GSN: variants seen among roughly 807,000 people sequenced by gnomAD.
GSN encodes the protein gelsolin, also known as actin-depolymerizing factor.
In GSN, 56 loss-of-function variants were observed where a neutral mutation model predicts 85.7. The ratio of observed to expected loss-of-function variants is 0.65; its 90% CI spans 0.53 to 0.82. GSN has a LOEUF of 0.82. Ranked by LOEUF, GSN falls within the 40% of genes least tolerant of loss-of-function variation. The pLI, the probability that GSN is intolerant of heterozygous loss-of-function variation, is 0.00. For missense variants in GSN, 857 were observed against 979.8 expected (o/e 0.87, Z 1.67); for synonymous variants, 373 against 399.1 (o/e 0.93, Z 0.78).
In GSN at chr9:121,312,396, C is replaced by T; in HGVS notation, c.571C>T (p.Gln191Ter). 1 of 1,614,004 alleles carries T rather than the reference C, an allele frequency of 6.2e-7. No individual in the cohort carries two copies. Among genetic ancestry groups the T allele is most frequent in the Non-Finnish European group, 8.5e-7 (1 of 1,179,856 alleles). The change falls in exon 6 of 18, where the codon CAG becomes TAG. Residue 191 changes from glutamine (Q) to a stop codon, truncating the protein, a stop_gained. Coordinates refer to ENST00000432226, the MANE Select transcript of GSN (RefSeq NM_198252.3). LOFTEE classifies it high-confidence loss of function. ...SNRYERLKAT[Q>*]VSKGIRDNER... is the part of the protein sequence containing the mutation. Reference sequence around the variant, plus strand: ...TCGGTATGAAAGACTGAAGGCCACACAGGTGTCCAAGGGCATCCGGGACAA... The same window carrying T: ...TCGGTATGAAAGACTGAAGGCCACATAGGTGTCCAAGGGCATCCGGGACAA...
chr9:121,323,299 A>G (rs2062720553), intron 11 of GSN, among the ~76,000 whole-genome samples: 1 of 152,032 alleles, frequency 6.6e-6, no homozygotes, highest in Non-Finnish European at 1.5e-5. Context: ...CAAAGCCAGG[A>G]AGTGAACATT....
upstream of GSN, among the ~76,000 whole-genome samples, chr9:121,267,152 C>T (rs1248741096): frequency 6.6e-6 from 1 of 152,166 alleles, no homozygotes; most frequent in African/African-American, 2.4e-5. Flanking sequence ...CCTTCCAAAC[C>T]GGAGTCACGC....
At chr9:121,238,586 T>TAGATCTCGGTGGTCGCC in intron 5 of GSN, 1 of 209,616 alleles carries the variant, frequency 4.8e-6, no homozygotes, top group Non-Finnish European at 9.6e-6. Context: ...TGTGAGCGTG[T>TAGATCTCGGTGGTCGCC]GAATCAATAC....
chr9:121,331,511 G>A, intron 17 of GSN, 63 bp downstream of exon 17: 1 of 956,000 alleles, frequency 1.0e-6, no homozygotes, highest in Non-Finnish European at 1.7e-6. Flanking sequence ...GCTGGGAGTG[G>A]CTCCTGTACA....
intron 8 of GSN, chr9:121,317,842 G>A (rs939929178): frequency 5.3e-6 from 1 of 189,996 alleles, no homozygotes; most frequent in Non-Finnish European, 1.1e-5. Flanking sequence ...GAGAAAGGGA[G>A]ACGGTGGGGA....
At chr9:121,311,152 T>G in intron 5 of GSN, 1 of 424,004 alleles carries the variant, frequency 2.4e-6, no homozygotes, top group Non-Finnish European at 4.4e-6. Context: ...CACTCTGGGC[T>G]TTTGCCCACC....
intron 1 of GSN, chr9:121,280,509 A>C (rs999198583): frequency 4.6e-5 from 7 of 152,224 alleles, no homozygotes; most frequent in Non-Finnish European, 1.0e-4. Context: ...GCATTAGAAC[A>C]ATAATAGACT....
upstream of GSN, among the ~76,000 whole-genome samples, chr9:121,204,113 A>G (rs528043505): frequency 1.3e-5 from 2 of 152,338 alleles, no homozygotes; most frequent in African/African-American, 4.8e-5. Flanking sequence ...TGTATAGCTG[A>G]TGTTTATTCA....
chr9:121,243,419 T>C (rs2054641806), intron 5 of GSN, among the ~76,000 whole-genome samples: 1 of 152,208 alleles, frequency 6.6e-6, no homozygotes, highest in Non-Finnish European at 1.5e-5. Flanking sequence ...CCATATAAGC[T>C]AACATCCCAA....
chr9:121,303,529 A>C (rs1432724253), intron 4 of GSN, among the ~76,000 whole-genome samples: 4 of 152,032 alleles, frequency 2.6e-5, no homozygotes, highest in Non-Finnish European at 5.9e-5. Flanking sequence ...TTGAACTTGA[A>C]CTCTTCAGAG....
chr9:121,204,145 C>G (rs578035015), upstream of GSN, among the ~76,000 whole-genome samples: 47 of 152,240 alleles, frequency 3.1e-4, no homozygotes, highest in Non-Finnish European at 4.7e-4. Flanking sequence ...GTACCAGCAA[C>G]TGTCCTAAGA....
Position 121,326,516 on chromosome 9 carries a change from G to A in GSN, c.1421G>A (p.Arg474His), listed in dbSNP as rs142828669. ...GCTCTCCTGTCTCCCTGCCAGAGCCGTGTGGTCCAAGGCAAGGAGCCCGCC... is the reference window on the plus strand; with the variant it reads ...GCTCTCCTGTCTCCCTGCCAGAGCCATGTGGTCCAAGGCAAGGAGCCCGCC... ...EELGGTPVQS[R>H]VVQGKEPAHL... Residue 474 changes from arginine (R) to histidine (H), a missense_variant, in exon 13 of 18, where the codon CGT (arginine) becomes CAT (histidine). By Grantham distance (29) the Arg-to-His change is conservative (BLOSUM62 0). Coordinates refer to ENST00000432226, the MANE Select transcript of GSN (RefSeq NM_198252.3). The A allele has an allele frequency of 2.6e-4, 414 of 1,613,516 alleles. No homozygotes were observed. The highest frequency in any genetic ancestry group is 3.2e-4 in the Non-Finnish European group (373 of 1,179,716).
chr9:121,241,104 A>G (rs1356408803), intron 5 of GSN, among the ~76,000 whole-genome samples: 1 of 152,268 alleles, frequency 6.6e-6, no homozygotes, highest in Non-Finnish European at 1.5e-5. Context: ...AATTAGAAAG[A>G]AAGCATAAAA....
At chr9:121,314,612 C>T (rs1301061892) in intron 7 of GSN, among the ~76,000 whole-genome samples, 8 of 151,968 alleles carry the variant, frequency 5.3e-5, no homozygotes, top group Admixed American at 5.2e-4. Flanking sequence ...AGAAAAACTA[C>T]TACATTATCG....
At chr9:121,248,048 C>G (rs916026854) in intron 5 of GSN, among the ~76,000 whole-genome samples, 1 of 152,128 alleles carries the variant, frequency 6.6e-6, no homozygotes, top group Non-Finnish European at 1.5e-5. Flanking sequence ...TTGATCCCAA[C>G]AAAGGGAGTT....
chr9:121,293,801 A>G (rs2058939315), intron 2 of GSN, among the ~76,000 whole-genome samples: 1 of 152,202 alleles, frequency 6.6e-6, no homozygotes, highest in South Asian at 2.1e-4. Context: ...TTTTAACAAT[A>G]AAAGCAGCCT....
upstream of GSN, among the ~76,000 whole-genome samples, chr9:121,204,087 T>C (rs915955866): frequency 6.6e-6 from 1 of 152,224 alleles, no homozygotes; most frequent in Non-Finnish European, 1.5e-5. Flanking sequence ...CATTATCACC[T>C]GAAGGGAGAT....
chr9:121,218,584 G>A (rs189633524), intron 4 of GSN, among the ~76,000 whole-genome samples: 77 of 152,262 alleles, frequency 5.1e-4, no homozygotes, highest in Admixed American at 1.3e-3. Context: ...GCAGTAAGCC[G>A]ATAACGCACC....
intron 6 of GSN, among the ~76,000 whole-genome samples, chr9:121,260,681 G>C (rs1362336252): frequency 6.6e-6 from 1 of 152,198 alleles, no homozygotes; most frequent in Non-Finnish European, 1.5e-5. Context: ...ACTCAGAGGA[G>C]TGGATGACTT....
Sources: gnomAD v4.1 joint callset for allele counts (sites outside exome capture counted in the v4.1 genomes callset) on GRCh38, gnomAD v4.1.1 for gene constraint, MANE v1.5 for transcripts, NCBI Gene and HGNC (gene_info 2026-07-23, HGNC 2026-07-21) for gene names.